LOX: variants seen among roughly 807,000 people sequenced by gnomAD.
LOX encodes the protein protein-lysine 6-oxidase.
Under a neutral mutation model 50.5 loss-of-function variants are expected in LOX, and 12 were observed. The ratio of observed to expected loss-of-function variants is 0.24; its 90% CI spans 0.15 to 0.38. The LOEUF (loss-of-function observed/expected upper bound fraction) is 0.38, where lower values mean the gene tolerates loss of function less well. Ranked by LOEUF, LOX falls within the 10% of genes least tolerant of loss-of-function variation. The pLI is 1.00. For synonymous variants in LOX, 254 were observed against 230.6 expected, an observed-to-expected ratio of 1.10 and a Z score of -0.92; for missense variants, 504 against 563.8, an observed-to-expected ratio of 0.89 and a Z score of 1.07.
At position 122,077,036 on chromosome 5, in the gene LOX, A is replaced by G. The variant is rs769801089; in HGVS notation, c.632-35T>C. 2 of 1,607,898 alleles carry G rather than the reference A, an allele frequency of 1.2e-6. No homozygotes were observed. The highest frequency in any genetic ancestry group is 2.2e-5 in the South Asian group (2 of 90,988). On this transcript the variant is annotated intron_variant, in intron 1 of 6. Transcript: ENST00000231004. This position sits in a 1 kb window ranked among gnomAD's most constrained non-coding sequence, Gnocchi z 4.9. ...AGCAGGCGACGGGCGCAGCAGTGAA[A>G]CAACCCGGCGCCCCCCGCTCCAACT... is the stretch of plus-strand genomic sequence containing the variant.
chr5:122,065,277 CAT>C lies in LOX; in HGVS notation c.*1464_*1465del, dbSNP rs1326927499. Reference sequence around the variant, plus strand: ...TGATGTTGACTTTACAATTCTATGACATGTAATACAGGATGCCGAGGCACTTT... The same window carrying C: ...TGATGTTGACTTTACAATTCTATGACGTAATACAGGATGCCGAGGCACTTT... On this transcript the variant is annotated 3_prime_UTR_variant, in exon 7 of 7. Coordinates refer to ENST00000231004, the MANE Select transcript of LOX (RefSeq NM_002317.7). The C allele has an allele frequency of 6.6e-6, 1 of 152,094 alleles. No homozygotes were observed. The highest frequency in any genetic ancestry group is 2.4e-5 in the African/African-American group (1 of 41,430). The allele number at this position is 152,094 out of a possible 1,614,324, so 9.4% of individuals were successfully genotyped here.
At chr5:122,067,225 T>C (rs774484967) in intron 6 of LOX, among the ~76,000 whole-genome samples, 6 of 152,176 alleles carry the variant, frequency 3.9e-5, no homozygotes, top group Admixed American at 6.5e-5. Context: ...AATGTGACCA[T>C]AGATCTTCAT....
chr5:122,072,379 G>T (rs1442427293), intron 4 of LOX, among the ~76,000 whole-genome samples: 2 of 152,116 alleles, frequency 1.3e-5, no homozygotes, highest in African/African-American at 4.8e-5. Context: ...GTTAGCTGAG[G>T]CTCTCTAAAT....
intron 2 of LOX, among the ~76,000 whole-genome samples, chr5:122,076,413 G>A (rs1754632641): frequency 1.3e-5 from 2 of 152,188 alleles, no homozygotes; most frequent in African/African-American, 4.8e-5. Flanking sequence ...TATTCTGGCT[G>A]AAGTAATACC....
rs1754661404 is a variant in LOX, at chr5:122,077,123, G to T, written c.632-122C>A. 3 of 1,489,990 alleles carry T rather than the reference G, an allele frequency of 2.0e-6. No homozygotes were observed. The East Asian group carries it at 7.2e-5, about 36-fold the overall frequency. The allele number at this position is 1,489,990 out of a possible 1,614,324, so 92.3% of individuals were successfully genotyped here. On this transcript the variant is annotated intron_variant, in intron 1 of 6. Coordinates refer to ENST00000231004, the MANE Select transcript of LOX (RefSeq NM_002317.7). The surrounding 1 kb of genome is among the most constrained non-coding windows in gnomAD (Gnocchi z 4.9). ...CCCACCGGGACTGCAGAGTGGAGCG[G>T]AGGACAGCAAGAGAACTGGGGACGC...
chr5:122,070,146 AG>A lies in LOX; in HGVS notation c.1153del (p.Leu385TrpfsTer43). On this transcript the variant is annotated frameshift_variant, in exon 6 of 7. Transcript: ENST00000231004. LOFTEE classifies it high-confidence loss of function. ...GTTGGTATAGTCAGATTCAGGAACC[AG>A]GTAGCTGGGGTTTACACTGACCTGG... ...ILKVSVNPSY[L>X]VPESDYTNNV... The A allele has an allele frequency of 6.2e-7, 1 of 1,612,422 alleles. No homozygotes were observed. The highest frequency in any genetic ancestry group is 8.5e-7 in the Non-Finnish European group (1 of 1,178,642).
chr5:122,077,955 C>T lies in LOX; in HGVS notation c.31G>A (p.Gly11Arg), dbSNP rs370627614. 2 of 1,477,052 alleles carry T rather than the reference C, an allele frequency of 1.4e-6. No homozygotes were observed. Among genetic ancestry groups the T allele is most frequent in the Non-Finnish European group, 1.8e-6 (2 of 1,122,562 alleles). The allele number at this position is 1,477,052 out of a possible 1,614,324, so 91.5% of individuals were successfully genotyped here. A position where few individuals can be genotyped will look rare whatever the true frequency, so the allele number is the denominator to read the frequency against. The change falls in exon 1 of 7, where the codon GGG (glycine) becomes AGG (arginine). Residue 11 changes from glycine (G) to arginine (R), a missense_variant. By Grantham distance (125) the Gly-to-Arg change is moderately radical (BLOSUM62 -2). Transcript: ENST00000231004. This position sits in a 1 kb window ranked among gnomAD's most constrained non-coding sequence, Gnocchi z 4.9. ...ACTAGCGCGCAGAGCTGCAAAGGCC[C>T]GAGCAGGAGCACGGTCCAGGCGAAG... The part of the protein sequence containing the change: MRFAWTVLLL[G>R]PLQLCALVHC...
At chr5:122,073,905 G>C (rs543748222) in intron 4 of LOX, 108 bp downstream of exon 4, 2 of 1,020,716 alleles carry the variant, frequency 2.0e-6, no homozygotes, top group Non-Finnish European at 3.0e-6. Flanking sequence ...GTATCCTTTT[G>C]ATAAAAATGT....
At chr5:122,075,634 A>T (rs907749337) in intron 2 of LOX, 93 bp from the exon 3 acceptor site, 1 of 797,636 alleles carries the variant, frequency 1.3e-6, no homozygotes, top group Non-Finnish European at 1.9e-6. Context: ...AGTAGTGACA[A>T]TCCTCCTTTC....
intron 2 of LOX, among the ~76,000 whole-genome samples, chr5:122,076,377 A>G (rs1195101208): frequency 1.3e-5 from 2 of 152,214 alleles, no homozygotes; most frequent in Non-Finnish European, 2.9e-5. Flanking sequence ...AGAATAGTGG[A>G]AAAACAAAGC....
At chr5:122,074,798 G>A (rs1201818690) in intron 3 of LOX, among the ~76,000 whole-genome samples, 2 of 152,186 alleles carry the variant, frequency 1.3e-5, no homozygotes, top group Non-Finnish European at 2.9e-5. Context: ...AAAAAACAAT[G>A]AGGACTGGCT....
rs970571424 is a variant in LOX at position 122,077,315 on chromosome 5, C to A, written c.631+40G>T. On this transcript the variant is annotated intron_variant, in intron 1 of 6. Transcript: ENST00000231004. The surrounding 1 kb of genome is among the most constrained non-coding windows in gnomAD (Gnocchi z 4.9). ...GTCGAGAAGCCACATAGCTGGGGAC[C>A]AGGTGCACGGGTGCTTCCAGCGGAC... The A allele has an allele frequency of 6.2e-6, 10 of 1,612,440 alleles. No homozygotes were observed. The highest frequency in any genetic ancestry group is 7.6e-6 in the Non-Finnish European group (9 of 1,179,578).
intron 4 of LOX, among the ~76,000 whole-genome samples, chr5:122,071,193 ATGTGTGTGTGTGTGTG>A (rs35544795): frequency 1.3e-5 from 2 of 149,820 alleles, no homozygotes; most frequent in African/African-American, 4.9e-5. Flanking sequence ...AAACATTTAT[ATGTGTGTGTGTGTGTG>A]TGTGTGTGTG....
chr5:122,065,802 T>C lies in LOX; in HGVS notation c.*941A>G, dbSNP rs962634433. The C allele has an allele frequency of 2.6e-5, 4 of 152,094 alleles. No homozygotes were observed. The highest frequency in any genetic ancestry group is 9.7e-5 in the African/African-American group (4 of 41,442). The allele number at this position is 152,094 out of a possible 1,614,324, so 9.4% of individuals were successfully genotyped here. A position where few individuals can be genotyped will look rare whatever the true frequency, so the allele number is the denominator to read the frequency against. ...ACAGTTGTGGTTTGGGGGGGACTTG[T>C]TTGTGTGATTTTTATGTCAGCAAGA... is the stretch of plus-strand genomic sequence containing the variant. On this transcript the variant is annotated 3_prime_UTR_variant, in exon 7 of 7. Coordinates refer to ENST00000231004, the MANE Select transcript of LOX (RefSeq NM_002317.7).
At chr5:122,068,933 G>A (rs777053342) in intron 6 of LOX, among the ~76,000 whole-genome samples, 34 of 151,952 alleles carry the variant, frequency 2.2e-4, no homozygotes, top group African/African-American at 9.7e-5. Context: ...GTGTTCTGGC[G>A]GTGGGGGTCG....
intron 2 of LOX, chr5:122,076,014 A>G (rs1284697402): frequency 6.6e-6 from 1 of 152,318 alleles, no homozygotes; most frequent in Non-Finnish European, 1.5e-5. Flanking sequence ...CTAAAAGAGC[A>G]TACCCAGATT....
chr5:122,077,958 G>A lies in LOX; in HGVS notation c.28C>T (p.Leu10Phe). 1 of 1,476,184 alleles carries A rather than the reference G, an allele frequency of 6.8e-7. No homozygotes were observed. Among genetic ancestry groups the A allele is most frequent in the South Asian group, 1.5e-5 (1 of 67,754 alleles). The allele number at this position is 1,476,184 out of a possible 1,614,324, so 91.4% of individuals were successfully genotyped here. A position where few individuals can be genotyped will look rare whatever the true frequency, so the allele number is the denominator to read the frequency against. The stretch of plus-strand genomic sequence containing the variant: ...AGCGCGCAGAGCTGCAAAGGCCCGA[G>A]CAGGAGCACGGTCCAGGCGAAGCGC... MRFAWTVLLLGPLQLCALVH... is the reference protein window; with the variant it reads MRFAWTVLLFGPLQLCALVH... The change falls in exon 1 of 7, where the codon CTC (leucine) becomes TTC (phenylalanine). Residue 10 changes from leucine (L) to phenylalanine (F), a missense_variant. Physicochemically the swap from Leu to Phe is conservative, Grantham distance 22 (BLOSUM62 0). Coordinates refer to ENST00000231004, the MANE Select transcript of LOX (RefSeq NM_002317.7). The surrounding 1 kb of genome is among the most constrained non-coding windows in gnomAD (Gnocchi z 4.9).
Position 122,077,121 on chromosome 5 carries a change from C to G in LOX, c.632-120G>C. ...CGCCCACCGGGACTGCAGAGTGGAG[C>G]GGAGGACAGCAAGAGAACTGGGGAC... On this transcript the variant is annotated intron_variant, in intron 1 of 6. Transcript: ENST00000231004. The surrounding 1 kb of genome is among the most constrained non-coding windows in gnomAD (Gnocchi z 4.9). 2 of 1,490,264 alleles carry G rather than the reference C, an allele frequency of 1.3e-6. No homozygotes were observed. The highest frequency in any genetic ancestry group is 1.3e-5 in the South Asian group (1 of 76,214). The allele number at this position is 1,490,264 out of a possible 1,614,324, so 92.3% of individuals were successfully genotyped here.
Position 122,078,074 on chromosome 5 carries a change from A to G in LOX, c.-89T>C. On this transcript the variant is annotated 5_prime_UTR_variant, in exon 1 of 7. Transcript: ENST00000231004. ...CTCAAATCACGTGAGGGAAGGAGAA[A>G]TCTTCAACCAAGGAGGCGAGCGGAG... 2 of 1,273,964 alleles carry G rather than the reference A, an allele frequency of 1.6e-6. No homozygotes were observed. The highest frequency in any genetic ancestry group is 3.5e-5 in the Admixed American group (1 of 28,204). 78.9% of individuals were successfully genotyped at this position (1,273,964 alleles called of 1,614,324 possible). A position where few individuals can be genotyped will look rare whatever the true frequency, so the allele number is the denominator to read the frequency against.
Sources: gnomAD v4.1 joint callset for allele counts (sites outside exome capture counted in the v4.1 genomes callset) on GRCh38, gnomAD v4.1.1 for gene constraint, Gnocchi (gnomAD v3.1) non-coding constraint, MANE v1.5 for transcripts, NCBI Gene and HGNC (gene_info 2026-07-23, HGNC 2026-07-21) for gene names.